Variants in PHF2 observed in about 807,000 individuals in gnomAD.
The protein encoded by PHF2 is lysine-specific demethylase PHF2.
Under a neutral mutation model 120.5 loss-of-function variants are expected in PHF2, and 27 were observed. The ratio of observed to expected loss-of-function variants is 0.22; its 90% confidence interval spans 0.17 to 0.31. PHF2 has a LOEUF of 0.31. Among genes scored for constraint, PHF2 ranks in the 10% least tolerant of loss-of-function variants. The pLI is 1.00. For synonymous variants in PHF2, 568 were observed against 592.5 expected (o/e 0.96, Z 0.60); for missense variants, 1,024 against 1,434.8 (o/e 0.71, Z 4.63).
At chr9:93,629,618 G>A (rs1044111545) in intron 1 of PHF2, among the ~76,000 whole-genome samples, 1 of 152,188 alleles carries the variant, frequency 6.6e-6, no homozygotes, top group Non-Finnish European at 1.5e-5. Flanking sequence ...GAAGTGATGG[G>A]GACAGCCTGG....
At chr9:93,602,216 A>G (rs1825453349) in intron 1 of PHF2, among the ~76,000 whole-genome samples, 1 of 124,688 alleles carries the variant, frequency 8.0e-6, no homozygotes. Flanking sequence ...TGAGTTTTGC[A>G]TTTTAAAGTC....
At position 93,590,072 on chromosome 9, in the gene PHF2, A is replaced by G. The variant is rs79286054; in HGVS notation, c.98+13201A>G. ...GCATGTATATCTGCTGGATATATTC[A>G]AATAAGTAAAGTTGCTGGGCTGAAG... On this transcript the variant is annotated intron_variant, in intron 1 of 21. Transcript: ENST00000359246. Among the ~76,000 whole-genome samples, 1,016 of 152,326 alleles carry G rather than the reference A, an allele frequency of 6.7e-3. 14 individuals carry two copies. Among genetic ancestry groups the G allele is most frequent in the African/African-American group, 0.024 (982 of 41,560 alleles).
Position 93,676,775 on chromosome 9 carries a change from A to G in PHF2, c.3014A>G (p.Gln1005Arg), listed in dbSNP as rs1477006872. Residue 1005 changes from glutamine (Q) to arginine (R), a missense_variant, in exon 21 of 22, where the codon CAG (glutamine) becomes CGG (arginine). Transcript: ENST00000359246. Reference sequence around the variant, plus strand: ...AGCACGGCCAGCAGCCAGGCCTCGCAGGAGGGCAGCTCGCCAGAGCCCCCG... The same window carrying G: ...AGCACGGCCAGCAGCCAGGCCTCGCGGGAGGGCAGCTCGCCAGAGCCCCCG... ...STSTASSQAS[Q>R]EGSSPEPPPE... 1.9e-6 allele frequency: 3 copies of G among 1,551,902 alleles called. No homozygotes were observed. The highest frequency in any genetic ancestry group is 2.6e-6 in the Non-Finnish European group (3 of 1,147,754).
Position 93,679,093 on chromosome 9 carries a change from T to G in PHF2, c.*1417T>G, listed in dbSNP as rs910050237. The G allele has an allele frequency of 2.7e-6, 1 of 375,262 alleles. No individual in the cohort carries two copies. The highest frequency in any genetic ancestry group is 5.2e-6 in the Non-Finnish European group (1 of 193,354). 23.2% of individuals were successfully genotyped at this position (375,262 alleles called of 1,614,324 possible). A position where few individuals can be genotyped will look rare whatever the true frequency, so the allele number is the denominator to read the frequency against. ...ATTTTACTAGCACCTTGTGAAGTGT[T>G]TCCGTGTTTTGTGATGCTGTAATTT... On this transcript the variant is annotated 3_prime_UTR_variant, in exon 22 of 22. Transcript: ENST00000359246.
chr9:93,657,748 G>A (rs867880025), intron 9 of PHF2, among the ~76,000 whole-genome samples: 1 of 152,236 alleles, frequency 6.6e-6, no homozygotes, highest in Middle Eastern at 3.2e-3. Flanking sequence ...GTGCTAAGGG[G>A]CGCCATGAGG....
chr9:93,665,888 G>A, intron 15 of PHF2, 24 bp downstream of exon 15: 2 of 1,612,852 alleles, frequency 1.2e-6, no homozygotes, highest in Non-Finnish European at 1.7e-6. Flanking sequence ...GGGTGTTGGG[G>A]GAGGGGTGTG....
intron 2 of PHF2, among the ~76,000 whole-genome samples, chr9:93,630,438 CG>C (rs547895580): frequency 7.2e-4 from 110 of 152,308 alleles, no homozygotes; most frequent in African/African-American, 2.4e-3. Context: ...CACTGCTACA[CG>C]GGGGGCCCAG....
chr9:93,646,830 C>T (rs539932237), intron 4 of PHF2, among the ~76,000 whole-genome samples: 72 of 152,254 alleles, frequency 4.7e-4, no homozygotes, highest in African/African-American at 1.6e-3. Flanking sequence ...AGCTGTCAGA[C>T]ATCTCGGAAG....
intron 1 of PHF2, among the ~76,000 whole-genome samples, chr9:93,610,136 G>C (rs1480233358): frequency 6.6e-6 from 1 of 151,890 alleles, no homozygotes. Flanking sequence ...TCTGTGGTTT[G>C]CTTGCTGTTA....
chr9:93,587,458 T>G (rs1863070405), intron 1 of PHF2, among the ~76,000 whole-genome samples: 1 of 125,438 alleles, frequency 8.0e-6, no homozygotes, highest in Admixed American at 7.9e-5. Flanking sequence ...GATCCCTGGA[T>G]GAGGGATGGA....
chr9:93,618,609 G>A (rs1366854247), intron 1 of PHF2, among the ~76,000 whole-genome samples: 1 of 152,218 alleles, frequency 6.6e-6, no homozygotes, highest in Non-Finnish European at 1.5e-5. Flanking sequence ...AAAACATGAT[G>A]TTCTTCACTT....
chr9:93,644,562 C>T (rs1421936961), intron 3 of PHF2, among the ~76,000 whole-genome samples: 1 of 152,106 alleles, frequency 6.6e-6, no homozygotes, highest in Non-Finnish European at 1.5e-5. Context: ...CTCCTCCCCT[C>T]GGCCCTGTCT....
At chr9:93,577,075 G>T (rs1468823425) in intron 1 of PHF2, among the ~76,000 whole-genome samples, 2 of 146,200 alleles carry the variant, frequency 1.4e-5, no homozygotes, top group African/African-American at 4.9e-5. Flanking sequence ...CGCCAAGCAC[G>T]GGGCCCGCGC....
At chr9:93,596,034 G>A (rs900293801) in intron 1 of PHF2, among the ~76,000 whole-genome samples, 5 of 152,166 alleles carry the variant, frequency 3.3e-5, no homozygotes, top group African/African-American at 1.2e-4. Flanking sequence ...TGTCCTCATG[G>A]GCGAACTGCC....
chr9:93,650,683 C>G (rs748166247), intron 5 of PHF2, among the ~76,000 whole-genome samples: 3 of 152,224 alleles, frequency 2.0e-5, no homozygotes, highest in South Asian at 2.1e-4. Context: ...GTTCTCCCCC[C>G]AGGCTGTCAG....
intron 1 of PHF2, among the ~76,000 whole-genome samples, chr9:93,584,613 A>G (rs1304256356): frequency 6.6e-6 from 1 of 152,226 alleles, no homozygotes; most frequent in African/African-American, 2.4e-5. Context: ...GTGTCTCCTT[A>G]TGCCAGTACC....
chr9:93,638,752 T>C (rs1826131642), intron 3 of PHF2, among the ~76,000 whole-genome samples: 1 of 152,246 alleles, frequency 6.6e-6, no homozygotes, highest in Non-Finnish European at 1.5e-5. Flanking sequence ...GGAGTCTCAC[T>C]CTGTCACCCA....
chr9:93,593,701 TAA>T (rs1425394776), intron 1 of PHF2, among the ~76,000 whole-genome samples: 3 of 152,246 alleles, frequency 2.0e-5, no homozygotes, highest in Non-Finnish European at 4.4e-5. Flanking sequence ...TGTCCTCTTG[TAA>T]ATCGGAAATT....
intron 1 of PHF2, among the ~76,000 whole-genome samples, chr9:93,591,856 C>T (rs1040947812): frequency 1.3e-5 from 2 of 152,218 alleles, no homozygotes; most frequent in East Asian, 1.9e-4. Context: ...GATGCTTGGC[C>T]GTTGCTCGGG....
Sources: gnomAD v4.1 joint callset for allele counts (sites outside exome capture counted in the v4.1 genomes callset) on GRCh38, gnomAD v4.1.1 for gene constraint, MANE v1.5 for transcripts, NCBI Gene and HGNC (gene_info 2026-07-23, HGNC 2026-07-21) for gene names.